Variants in S100A12 observed in about 807,000 individuals in gnomAD.
The protein encoded by S100A12 is protein S100-A12.
A neutral mutation model predicts 4.0 loss-of-function variants in S100A12; 3 were observed. That is an observed-to-expected ratio of 0.75 (90% confidence interval 0.34 to 1.94). The LOEUF (loss-of-function observed/expected upper bound fraction) is 1.94, where lower values mean the gene tolerates loss of function less well. Ranked by LOEUF, S100A12 falls within the 30% of genes most tolerant of loss-of-function variation. S100A12 has a pLI of 0.07. For synonymous variants in S100A12, 50 were observed against 41.4 expected (o/e 1.21, Z -0.79); for missense variants, 122 against 107.0 (o/e 1.14, Z -0.62).
chr1:153,375,115 C>T (rs1460456466), intron 1 of S100A12, among the ~76,000 whole-genome samples: 1 of 152,152 alleles, frequency 6.6e-6, no homozygotes, highest in East Asian at 1.9e-4. Context: ...AGGGCGATCT[C>T]GGCTCACTGC....
intron 2 of S100A12, 95 bp from the exon 3 acceptor site, chr1:153,374,062 C>T (rs1358530071): frequency 8.7e-7 from 1 of 1,144,040 alleles, no homozygotes; most frequent in Non-Finnish European, 1.3e-6. Context: ...GTTGTGAAGG[C>T]CCAGGCACAT....
intron 1 of S100A12, among the ~76,000 whole-genome samples, chr1:153,375,089 C>G (rs1370948686): frequency 6.6e-6 from 1 of 152,162 alleles, no homozygotes; most frequent in African/African-American, 2.4e-5. Context: ...CTCTGCCGCC[C>G]AGGCTGGAGT....
Position 153,373,793 on chromosome 1 carries a change from G to A in S100A12, c.*34C>T, listed in dbSNP as rs1231623768. 1.3e-6 allele frequency: 2 copies of A among 1,594,852 alleles called. No individual in the cohort carries two copies. The highest frequency in any genetic ancestry group is 1.7e-6 in the Non-Finnish European group (2 of 1,162,986). Reference sequence around the variant, plus strand: ...AGGGAAAGAAAAGACCCTCATTGAGGACATTGCTGGGTAAAAAGCCTTCAG... The same window carrying A: ...AGGGAAAGAAAAGACCCTCATTGAGAACATTGCTGGGTAAAAAGCCTTCAG... On this transcript the variant is annotated 3_prime_UTR_variant, in exon 3 of 3. Coordinates refer to ENST00000368737, the MANE Select transcript of S100A12 (RefSeq NM_005621.2).
At chr1:153,375,259 A>C (rs1415891690) in intron 1 of S100A12, among the ~76,000 whole-genome samples, 1 of 152,140 alleles carries the variant, frequency 6.6e-6, no homozygotes, top group Admixed American at 6.5e-5. Context: ...CATGTTAGCC[A>C]GGATGGTCTC....
chr1:153,374,868 G>T (rs1436002941), intron 1 of S100A12, among the ~76,000 whole-genome samples: 1 of 152,154 alleles, frequency 6.6e-6, no homozygotes, highest in Non-Finnish European at 1.5e-5. Context: ...ATCCACCGGG[G>T]TGCATAACTT....
At chr1:153,374,066 G>C in intron 2 of S100A12, 99 bp from the exon 3 acceptor site, 1 of 1,115,864 alleles carries the variant, frequency 9.0e-7, no homozygotes, top group Middle Eastern at 1.9e-4. Context: ...TGAAGGCCCA[G>C]GCACATTAAC....
intron 1 of S100A12, among the ~76,000 whole-genome samples, chr1:153,375,141 G>T (rs764198030): frequency 6.6e-5 from 10 of 152,182 alleles, no homozygotes; most frequent in Non-Finnish European, 1.0e-4. Context: ...CTGCCTCCCG[G>T]GTTCACGCCA....
At chr1:153,374,669 C>G (rs1459600773) in intron 1 of S100A12, 57 bp from the exon 2 acceptor site, 4 of 1,135,174 alleles carry the variant, frequency 3.5e-6, no homozygotes, top group East Asian at 4.7e-5. Flanking sequence ...TCAACCTCCA[C>G]TCTCCCCTCT....
At chr1:153,374,659 T>A in intron 1 of S100A12, 47 bp from the exon 2 acceptor site, 1 of 1,307,824 alleles carries the variant, frequency 7.6e-7, no homozygotes, top group South Asian at 1.3e-5. Context: ...CCCCCACCCC[T>A]CAACCTCCAC....
Position 153,373,873 on chromosome 1 carries a change from A to G in S100A12, c.233T>C (p.Val78Ala), listed in dbSNP as rs759108403. ...ATGGGCAGCCTTCAGCGCAATGGCT[A>G]CCAGGGATATGAATTCTTGAAAGTC... ...QVDFQEFISLVAIALKAAHYH... is the reference protein window; with the variant it reads ...QVDFQEFISLAAIALKAAHYH... Residue 78 changes from valine to alanine, a missense_variant, in exon 3 of 3, where the codon GTA (valine) becomes GCA (alanine). By Grantham distance (64) the Val-to-Ala change is moderately conservative. Coordinates refer to ENST00000368737, the MANE Select transcript of S100A12 (RefSeq NM_005621.2). 4.3e-6 allele frequency: 7 copies of G among 1,612,882 alleles called. No homozygotes were observed. The Admixed American group carries it at 1.0e-4, about 23-fold the overall frequency.
At chr1:153,374,261 A>T (rs75219685) in intron 2 of S100A12, among the ~76,000 whole-genome samples, 194 bp downstream of exon 2, 134 of 152,280 alleles carry the variant, frequency 8.8e-4, no homozygotes, top group African/African-American at 3.2e-3. Flanking sequence ...AGAGGAACTG[A>T]GTAGAGCCTT....
intron 2 of S100A12, 116 bp downstream of exon 2, chr1:153,374,339 G>A: frequency 2.0e-6 from 2 of 989,630 alleles, no homozygotes; most frequent in South Asian, 1.6e-5. Flanking sequence ...TCCTTTGGGA[G>A]CTCAAACTGG....
intron 1 of S100A12, 100 bp from the exon 2 acceptor site, chr1:153,374,712 C>T: frequency 2.6e-6 from 2 of 761,856 alleles, no homozygotes; most frequent in African/African-American, 1.7e-5. Context: ...GAAAACATAA[C>T]ATCCTCCATA....
chr1:153,374,130 T>G, intron 2 of S100A12, 163 bp from the exon 3 acceptor site: 1 of 773,252 alleles, frequency 1.3e-6, no homozygotes, highest in South Asian at 1.4e-5. Context: ...GAGAACACAA[T>G]GGTCATGAAC....
chr1:153,374,205 G>A (rs972300104), intron 2 of S100A12, among the ~76,000 whole-genome samples: 7 of 152,062 alleles, frequency 4.6e-5, no homozygotes, highest in African/African-American at 1.2e-4. Context: ...AACCCCTCCC[G>A]TGCCCTGCCT....
In S100A12 at chr1:153,373,955, T is replaced by C; in HGVS notation, c.151A>G (p.Lys51Glu). ...LANTIKNIKD[K>E]AVIDEIFQGL... is the part of the protein sequence containing the mutation. ...TGGAATATTTCATCAATGACAGCTT[T>C]ATCTTTGATATTCTAGGAAAAAAGG... is the stretch of plus-strand genomic sequence containing the variant. The change falls in exon 3 of 3, where the codon AAA becomes GAA. Residue 51 changes from lysine to glutamate, a missense_variant. Coordinates refer to ENST00000368737, the MANE Select transcript of S100A12 (RefSeq NM_005621.2). 1.2e-6 allele frequency: 2 copies of C among 1,613,956 alleles called. No homozygotes were observed. Among genetic ancestry groups the C allele is most frequent in the Non-Finnish European group, 1.7e-6 (2 of 1,179,792 alleles).
At position 153,373,867 on chromosome 1, in the gene S100A12, A is replaced by G. The variant is rs1467368759; in HGVS notation, c.239T>C (p.Ile80Thr). ...DFQEFISLVA[I>T]ALKAAHYHTH... ...GTGGTAATGGGCAGCCTTCAGCGCA[A>G]TGGCTACCAGGGATATGAATTCTTG... Residue 80 changes from isoleucine to threonine, a missense_variant, in exon 3 of 3, where the codon ATT becomes ACT. Coordinates refer to ENST00000368737, the MANE Select transcript of S100A12 (RefSeq NM_005621.2). 1.2e-6 allele frequency: 2 copies of G among 1,613,906 alleles called. No homozygotes were observed. Among genetic ancestry groups the G allele is most frequent in the Middle Eastern group, 1.6e-4 (1 of 6,062 alleles).
rs1051918039 is a variant in S100A12, at chr1:153,375,559, T to C, written c.-28A>G. On this transcript the variant is annotated 5_prime_UTR_variant, in exon 1 of 3. Coordinates refer to ENST00000368737, the MANE Select transcript of S100A12 (RefSeq NM_005621.2). The stretch of plus-strand genomic sequence containing the variant: ...CAAGGAAAATGCACTTACCCCTCAA[T>C]GCACAGGAATGTGGAGCTACAGCAA... The C allele has an allele frequency of 2.6e-5, 4 of 152,318 alleles. No homozygotes were observed. The highest frequency in any genetic ancestry group is 9.7e-5 in the African/African-American group (4 of 41,432). The allele number at this position is 152,318 out of a possible 1,614,324, so 9.4% of individuals were successfully genotyped here.
chr1:153,375,460 G>C (rs950631846), intron 1 of S100A12, 92 bp downstream of exon 1: 1 of 152,336 alleles, frequency 6.6e-6, no homozygotes, highest in African/African-American at 2.4e-5. Flanking sequence ...GTGGAGGGTT[G>C]TGGTTTCCAA....
Sources: allele counts gnomAD v4.1 joint callset (sites outside exome capture counted in the v4.1 genomes callset), GRCh38; gene constraint gnomAD v4.1.1; transcripts MANE v1.5; gene names NCBI Gene and HGNC (gene_info 2026-07-23, HGNC 2026-07-21).